Variants in ARHGAP20 observed in about 807,000 individuals in gnomAD.
ARHGAP20 encodes the protein rho GTPase-activating protein 20.
A neutral mutation model predicts 73.7 loss-of-function variants in ARHGAP20; 34 were observed. The ratio of observed to expected loss-of-function variants is 0.46; its 90% confidence interval spans 0.35 to 0.61. The LOEUF (loss-of-function observed/expected upper bound fraction) is 0.61. Ranked by LOEUF, ARHGAP20 falls within the 20% of genes least tolerant of loss-of-function variation. The pLI, the probability that ARHGAP20 is intolerant of heterozygous loss-of-function variation, is 0.00. For missense variants in ARHGAP20, 1,314 were observed against 1,420.9 expected, an observed-to-expected ratio of 0.92 and a Z score of 1.21; for synonymous variants, 523 against 518.2, an observed-to-expected ratio of 1.01 and a Z score of -0.13.
intron 4 of ARHGAP20, among the ~76,000 whole-genome samples, chr11:110,616,920 C>A (rs1008726448): frequency 6.6e-6 from 1 of 151,886 alleles, no homozygotes; most frequent in Admixed American, 6.6e-5. Context: ...ATTTTTTTAA[C>A]TTTTAACTGA....
chr11:110,627,610 T>A (rs527759886), intron 3 of ARHGAP20, among the ~76,000 whole-genome samples: 1 of 152,186 alleles, frequency 6.6e-6, no homozygotes, highest in South Asian at 2.1e-4. Flanking sequence ...AAATATCTGA[T>A]GGTAATTCTA....
In ARHGAP20 at chr11:110,580,526, C is replaced by G; in HGVS notation, c.2420G>C (p.Ser807Thr). The G allele has an allele frequency of 6.2e-7, 1 of 1,614,140 alleles. No individual in the cohort carries two copies. The change falls in exon 15 of 15, where the codon AGT (serine) becomes ACT (threonine). Residue 807 changes from serine to threonine, a missense_variant. By Grantham distance (58) the Ser-to-Thr change is moderately conservative. This residue lies in a region of ARHGAP20 where 641 missense variants were observed against 636.9 expected (regional missense o/e 1.01). Coordinates refer to ENST00000683387, the MANE Select transcript of ARHGAP20 (RefSeq NM_001384657.1). ...KPVAISVASY[S>T]PMSSQDHSKN... ...GGAATGATCCTGTGAGGACATAGGA[C>G]TATAAGATGCCACAGAAATGGCCAC... is the stretch of plus-strand genomic sequence containing the variant.
intron 1 of ARHGAP20, among the ~76,000 whole-genome samples, chr11:110,699,176 C>T (rs1475407081): frequency 6.6e-6 from 1 of 151,858 alleles, no homozygotes; most frequent in East Asian, 1.9e-4. Context: ...AAAGGTCACT[C>T]AGGAGCAAGG....
intron 2 of ARHGAP20, among the ~76,000 whole-genome samples, chr11:110,652,791 C>A (rs963696577): frequency 1.3e-5 from 2 of 151,816 alleles, no homozygotes; most frequent in Non-Finnish European, 2.9e-5. Flanking sequence ...GAATCAACAT[C>A]ATGAAAATGG....
intron 1 of ARHGAP20, among the ~76,000 whole-genome samples, chr11:110,707,460 G>C (rs1054321341): frequency 6.6e-6 from 1 of 152,094 alleles, no homozygotes; most frequent in Non-Finnish European, 1.5e-5. Flanking sequence ...TATATTCTTT[G>C]GAAGTGCCTC....
At position 110,582,188 on chromosome 11, in the gene ARHGAP20, G is replaced by T. The variant is rs187901699; in HGVS notation, c.1720+133C>A. The T allele has an allele frequency of 1.7e-4, 124 of 735,452 alleles. No homozygotes were observed. In the African/African-American group the frequency reaches 2.1e-3, roughly 12 times the overall value. 45.6% of individuals were successfully genotyped at this position (735,452 alleles called of 1,614,324 possible). On this transcript the variant is annotated intron_variant, in intron 14 of 14. Transcript: ENST00000683387. ...TCTAAGGAAGGATCAAAAAGCCCTG[G>T]GCCCCATTGACCTGGATCAGAGGCT...
At chr11:110,664,467 G>A (rs746238762) in intron 2 of ARHGAP20, among the ~76,000 whole-genome samples, 11 of 152,096 alleles carry the variant, frequency 7.2e-5, no homozygotes, top group South Asian at 2.1e-4. Context: ...AATGGCTCAC[G>A]CCTCTAATCC....
intron 2 of ARHGAP20, among the ~76,000 whole-genome samples, chr11:110,640,083 C>T (rs567316075): frequency 6.6e-6 from 1 of 152,114 alleles, no homozygotes; most frequent in South Asian, 2.1e-4. Context: ...CTTTAGACTT[C>T]TCCCCTTTTG....
chr11:110,704,789 T>A (rs549870837), intron 1 of ARHGAP20, among the ~76,000 whole-genome samples: 39 of 152,274 alleles, frequency 2.6e-4, no homozygotes, highest in Non-Finnish European at 4.4e-4. Flanking sequence ...ACCTCTAGAA[T>A]CCCTGTGATC....
At chr11:110,652,756 A>G (rs1949383460) in intron 2 of ARHGAP20, among the ~76,000 whole-genome samples, 1 of 152,172 alleles carries the variant, frequency 6.6e-6, no homozygotes, top group South Asian at 2.1e-4. Flanking sequence ...CAAATGGAAA[A>G]ACATTCCATG....
rs1031246725 is a variant in ARHGAP20, at chr11:110,703,485, T to C, written c.105+8642A>G. 9.9e-5 allele frequency among the ~76,000 whole-genome samples: 15 copies of C among 151,440 alleles called. No homozygotes were observed. The East Asian group carries it at 2.9e-3, about 29-fold the overall frequency. On this transcript the variant is annotated intron_variant, in intron 1 of 14. Transcript: ENST00000683387. ...TATATATTCATTCATATATATGGATTCATTCATATATATTCATTCATATAT... is the reference window on the plus strand; with the variant it reads ...TATATATTCATTCATATATATGGATCCATTCATATATATTCATTCATATAT...
At chr11:110,663,723 G>A (rs370879474) in intron 2 of ARHGAP20, among the ~76,000 whole-genome samples, 1 of 152,088 alleles carries the variant, frequency 6.6e-6, no homozygotes, top group Admixed American at 6.5e-5. Flanking sequence ...AAATTTAAGG[G>A]GAGAGAATAG....
chr11:110,691,860 T>G (rs1950248554), intron 1 of ARHGAP20, among the ~76,000 whole-genome samples: 1 of 152,182 alleles, frequency 6.6e-6, no homozygotes, highest in Admixed American at 6.6e-5. Context: ...GGAATAATTA[T>G]GTAAAACATT....
chr11:110,669,247 G>A (rs529761342), intron 2 of ARHGAP20, among the ~76,000 whole-genome samples: 2 of 152,230 alleles, frequency 1.3e-5, no homozygotes, highest in Non-Finnish European at 2.9e-5. Flanking sequence ...TGTGCTGCCA[G>A]TAGAATTTTC....
chr11:110,680,755 C>T (rs1950022367), intron 2 of ARHGAP20, among the ~76,000 whole-genome samples: 1 of 152,076 alleles, frequency 6.6e-6, no homozygotes, highest in East Asian at 1.9e-4. Context: ...CAGAATCATA[C>T]CACAAGAAAA....
chr11:110,614,311 T>A (rs1406050244), intron 6 of ARHGAP20, among the ~76,000 whole-genome samples: 1 of 152,198 alleles, frequency 6.6e-6, no homozygotes, highest in Non-Finnish European at 1.5e-5. Flanking sequence ...TTTCCAAGCG[T>A]AAAAGTTTAA....
At chr11:110,597,382 A>G (rs1947995874) in intron 9 of ARHGAP20, among the ~76,000 whole-genome samples, 2 of 152,058 alleles carry the variant, frequency 1.3e-5, no homozygotes, top group African/African-American at 4.8e-5. Context: ...ATCTATGCAA[A>G]TATGTGTTTA....
chr11:110,664,266 T>C (rs928134896), intron 2 of ARHGAP20, among the ~76,000 whole-genome samples: 1 of 152,174 alleles, frequency 6.6e-6, no homozygotes, highest in Non-Finnish European at 1.5e-5. Flanking sequence ...GACATGGTAG[T>C]CTATGTGGAA....
At chr11:110,687,180 T>C (rs1188480300) in intron 2 of ARHGAP20, among the ~76,000 whole-genome samples, 1 of 148,174 alleles carries the variant, frequency 6.7e-6, no homozygotes, top group African/African-American at 2.5e-5. Context: ...TGGGCTTAAG[T>C]GATCCTCCCA....
Sources: gnomAD v4.1 joint callset for allele counts (sites outside exome capture counted in the v4.1 genomes callset) on GRCh38, gnomAD v4.1.1 for gene constraint, gnomAD v4.1.1 regional missense constraint, MANE v1.5 for transcripts, NCBI Gene and HGNC (gene_info 2026-07-23, HGNC 2026-07-21) for gene names.